Variants in SOX11 observed in about 807,000 individuals in gnomAD.
SOX11 encodes the protein transcription factor SOX-11.
Under a neutral mutation model 16.7 loss-of-function variants are expected in SOX11, and 5 were observed. The ratio of observed to expected loss-of-function variants is 0.30; its 90% CI spans 0.16 to 0.63. SOX11 has a LOEUF of 0.63. Ranked by LOEUF, SOX11 falls within the 20% of genes least tolerant of loss-of-function variation. SOX11 has a pLI of 0.82. For synonymous variants in SOX11, 363 were observed against 298.8 expected, an observed-to-expected ratio of 1.21 and a Z score of -2.22; for missense variants, 492 against 641.5, an observed-to-expected ratio of 0.77 and a Z score of 2.52.
At position 5,699,121 on chromosome 2, in the gene SOX11, C is replaced by A. The variant is rs1665792919; in HGVS notation, c.*5074C>A. ...TCTTGGACTCTCCCATTTATAGAAT[C>A]TTTATACTCTTTTACTGTGTGGTTC... On this transcript the variant is annotated 3_prime_UTR_variant, in exon 1 of 1. Coordinates refer to ENST00000322002, the MANE Select transcript of SOX11 (RefSeq NM_003108.4). The A allele has an allele frequency of 6.0e-6, 1 of 166,980 alleles. No individual in the cohort carries two copies. Among genetic ancestry groups the A allele is most frequent in the Non-Finnish European group, 1.5e-5 (1 of 68,090 alleles). 10.3% of individuals were successfully genotyped at this position (166,980 alleles called of 1,614,324 possible). A position where few individuals can be genotyped will look rare whatever the true frequency, so the allele number is the denominator to read the frequency against.
chr2:5,694,258 G>A lies in SOX11; in HGVS notation c.*211G>A, dbSNP rs916373197. The stretch of plus-strand genomic sequence containing the variant: ...ATTGGAAAACATGATGAAAATTTTG[G>A]TGGAGTTAAAGTGAAATGAGTAGTT... On this transcript the variant is annotated 3_prime_UTR_variant, in exon 1 of 1. Transcript: ENST00000322002. The A allele has an allele frequency of 1.8e-5, 12 of 657,338 alleles. No individual in the cohort carries two copies. Among genetic ancestry groups the A allele is most frequent in the Admixed American group, 3.6e-5 (1 of 27,866 alleles). The allele number at this position is 657,338 out of a possible 1,614,324, so 40.7% of individuals were successfully genotyped here.
Position 5,692,757 on chromosome 2 carries a change from C to A in SOX11, c.36C>A (p.Ser12Arg), listed in dbSNP as rs772578286. 2 of 1,606,408 alleles carry A rather than the reference C, an allele frequency of 1.2e-6. No homozygotes were observed. Among genetic ancestry groups the A allele is most frequent in the South Asian group, 2.2e-5 (2 of 89,918 alleles). Residue 12 changes from serine (S) to arginine (R), a missense_variant, in exon 1 of 1, where the codon AGC becomes AGA. Physicochemically the swap from Ser to Arg is moderately radical, Grantham distance 110. Coordinates refer to ENST00000322002, the MANE Select transcript of SOX11 (RefSeq NM_003108.4). ...AGGCGGAGAGCTTGGAAGCGGAGAGCAACCTGCCCCGGGAGGCGCTGGACA... is the reference window on the plus strand; with the variant it reads ...AGGCGGAGAGCTTGGAAGCGGAGAGAAACCTGCCCCGGGAGGCGCTGGACA... Reference protein sequence around the residue: ...VQQAESLEAESNLPREALDTE... With the variant: ...VQQAESLEAERNLPREALDTE...
chr2:5,692,425 G>C lies in SOX11; in HGVS notation c.-297G>C, dbSNP rs1011213682. Among the ~76,000 whole-genome samples, 14 of 152,064 alleles carry C rather than the reference G, an allele frequency of 9.2e-5. No individual in the cohort carries two copies. The highest frequency in any genetic ancestry group is 2.9e-4 in the African/African-American group (12 of 41,432). On this transcript the variant is annotated 5_prime_UTR_variant, in exon 1 of 1. Transcript: ENST00000322002. The stretch of plus-strand genomic sequence containing the variant: ...CGCCTGGGAGAGCTCGGGGTCCGGC[G>C]CTTGCGGTAGGAGCCACGAGCCGGA...
Position 5,694,263 on chromosome 2 carries a change from G to T in SOX11, c.*216G>T. ...AAAACATGATGAAAATTTTGGTGGA[G>T]TTAAAGTGAAATGAGTAGTTTTTAA... On this transcript the variant is annotated 3_prime_UTR_variant, in exon 1 of 1. Coordinates refer to ENST00000322002, the MANE Select transcript of SOX11 (RefSeq NM_003108.4). 1 of 613,124 alleles carries T rather than the reference G, an allele frequency of 1.6e-6. No individual in the cohort carries two copies. Among genetic ancestry groups the T allele is most frequent in the Non-Finnish European group, 2.7e-6 (1 of 372,012 alleles). The allele number at this position is 613,124 out of a possible 1,614,324, so 38.0% of individuals were successfully genotyped here.
rs1665725395 is a variant in SOX11, at chr2:5,696,238, G to T, written c.*2191G>T. The T allele has an allele frequency of 1.2e-5, 2 of 167,586 alleles. No individual in the cohort carries two copies. Among genetic ancestry groups the T allele is most frequent in the Middle Eastern group, 3.3e-3 (1 of 302 alleles). The allele number at this position is 167,586 out of a possible 1,614,324, so 10.4% of individuals were successfully genotyped here. ...GTGGTTGTTGGCGGAGAACGCCGCC[G>T]CAGTGTTTGACCTCTAGCGGTGAAG... On this transcript the variant is annotated 3_prime_UTR_variant, in exon 1 of 1. Coordinates refer to ENST00000322002, the MANE Select transcript of SOX11 (RefSeq NM_003108.4).
Position 5,693,792 on chromosome 2 carries a change from C to G in SOX11, c.1071C>G (p.Asp357Glu). The part of the protein sequence containing the change: ...SGSSSGSSGE[D>E]ADDLMFDLSL... ...GCAGCAGCGGCAGCAGCGGCGAGGA[C>G]GCCGACGACCTGATGTTCGACCTGA... Residue 357 changes from aspartate (D) to glutamate (E), a missense_variant, in exon 1 of 1, where the codon GAC (aspartate) becomes GAG (glutamate). Transcript: ENST00000322002. This position sits in a 1 kb window ranked among gnomAD's most constrained non-coding sequence, Gnocchi z 8.6. 3.8e-6 allele frequency: 6 copies of G among 1,558,706 alleles called. No individual in the cohort carries two copies. The highest frequency in any genetic ancestry group is 5.2e-6 in the Non-Finnish European group (6 of 1,152,224).
chr2:5,699,614 T>A lies in SOX11; in HGVS notation c.*5567T>A, dbSNP rs943506782. ...CAGGATTTTTTTGTTCAGTTTTGGT[T>A]TTTGCCCCTTCCTGTGGAGCCTACA... On this transcript the variant is annotated 3_prime_UTR_variant, in exon 1 of 1. Coordinates refer to ENST00000322002, the MANE Select transcript of SOX11 (RefSeq NM_003108.4). The A allele has an allele frequency of 6.0e-6, 1 of 166,800 alleles. No homozygotes were observed. Among genetic ancestry groups the A allele is most frequent in the African/African-American group, 2.4e-5 (1 of 41,444 alleles). The allele number at this position is 166,800 out of a possible 1,614,324, so 10.3% of individuals were successfully genotyped here. A position where few individuals can be genotyped will look rare whatever the true frequency, so the allele number is the denominator to read the frequency against.
At position 5,701,258 on chromosome 2, in the gene SOX11, C is replaced by G. The variant is rs1032594862; in HGVS notation, c.*7211C>G. ...ATCTAACCAGCTTCTTGACCCACCCCCCCTTGGTATGCAGTGTTAATGCTC... is the reference window on the plus strand; with the variant it reads ...ATCTAACCAGCTTCTTGACCCACCCGCCCTTGGTATGCAGTGTTAATGCTC... On this transcript the variant is annotated 3_prime_UTR_variant, in exon 1 of 1. Coordinates refer to ENST00000322002, the MANE Select transcript of SOX11 (RefSeq NM_003108.4). 1 of 166,966 alleles carries G rather than the reference C, an allele frequency of 6.0e-6. No homozygotes were observed. Among genetic ancestry groups the G allele is most frequent in the African/African-American group, 2.4e-5 (1 of 41,400 alleles). 10.3% of individuals were successfully genotyped at this position (166,966 alleles called of 1,614,324 possible). A position where few individuals can be genotyped will look rare whatever the true frequency, so the allele number is the denominator to read the frequency against.
chr2:5,693,617 C>A lies in SOX11; in HGVS notation c.896C>A (p.Ala299Asp). 1.3e-6 allele frequency: 2 copies of A among 1,569,114 alleles called. No homozygotes were observed. Among genetic ancestry groups the A allele is most frequent in the Admixed American group, 3.6e-5 (2 of 55,212 alleles). ...GCGAGCCTCTACGACGAGGTGCGGG[C>A]CGGCGCGACCTCGGGCGCCGGGGGC... is the stretch of plus-strand genomic sequence containing the variant. The part of the protein sequence containing the change: ...EGASLYDEVR[A>D]GATSGAGGGS... The change falls in exon 1 of 1, where the codon GCC (alanine) becomes GAC (aspartate). Residue 299 changes from alanine to aspartate, a missense_variant. Around this residue, in one of 4 missense-constraint regions of SOX11, gnomAD observed 389 missense variants for 389.0 expected, o/e 1.00. Transcript: ENST00000322002. This position sits in a 1 kb window ranked among gnomAD's most constrained non-coding sequence, Gnocchi z 8.6.
Position 5,697,746 on chromosome 2 carries a change from G to A in SOX11, c.*3699G>A, listed in dbSNP as rs148042976. ...CATGTAGACTAATGCAGCCATTGGT[G>A]GTACATTTATTTTAGCCACGGATAA... On this transcript the variant is annotated 3_prime_UTR_variant, in exon 1 of 1. Coordinates refer to ENST00000322002, the MANE Select transcript of SOX11 (RefSeq NM_003108.4). The A allele has an allele frequency of 3.5e-3, 583 of 167,194 alleles. 7 individuals carry two copies. Among genetic ancestry groups the A allele is most frequent in the East Asian group, 6.8e-3 (35 of 5,182 alleles). 10.4% of individuals were successfully genotyped at this position (167,194 alleles called of 1,614,324 possible).
In SOX11 at chr2:5,694,246, A is replaced by G. The variant is rs1456473838; in HGVS notation, c.*199A>G. 8.4e-6 allele frequency: 6 copies of G among 715,698 alleles called. No homozygotes were observed. Among genetic ancestry groups the G allele is most frequent in the Non-Finnish European group, 1.3e-5 (6 of 466,622 alleles). The allele number at this position is 715,698 out of a possible 1,614,324, so 44.3% of individuals were successfully genotyped here. A position where few individuals can be genotyped will look rare whatever the true frequency, so the allele number is the denominator to read the frequency against. On this transcript the variant is annotated 3_prime_UTR_variant, in exon 1 of 1. Coordinates refer to ENST00000322002, the MANE Select transcript of SOX11 (RefSeq NM_003108.4). Reference sequence around the variant, plus strand: ...TGACGCAAAGAAATTGGAAAACATGATGAAAATTTTGGTGGAGTTAAAGTG... The same window carrying G: ...TGACGCAAAGAAATTGGAAAACATGGTGAAAATTTTGGTGGAGTTAAAGTG...
In SOX11 at chr2:5,695,211, A is replaced by C. The variant is rs2103278195; in HGVS notation, c.*1164A>C. 1 of 162,136 alleles carries C rather than the reference A, an allele frequency of 6.2e-6. No individual in the cohort carries two copies. Among genetic ancestry groups the C allele is most frequent in the East Asian group, 1.9e-4 (1 of 5,184 alleles). The allele number at this position is 162,136 out of a possible 1,614,324, so 10.0% of individuals were successfully genotyped here. The stretch of plus-strand genomic sequence containing the variant: ...CTAAAGGCCTTGTGGTTTAAAAAAA[A>C]AAAGCAAACTTTTTTTTGTACAGCT... On this transcript the variant is annotated 3_prime_UTR_variant, in exon 1 of 1. Transcript: ENST00000322002.
In SOX11 at chr2:5,693,846, C is replaced by A; in HGVS notation, c.1125C>A (p.Ser375Arg). ...TGAATTTCTCTCAAAGCGCGCACAG[C>A]GCCAGCGAGCAGCAGCTGGGGGGCG... ...LSLNFSQSAH[S>R]ASEQQLGGGA... The change falls in exon 1 of 1, where the codon AGC becomes AGA. Residue 375 changes from serine (S) to arginine (R), a missense_variant. Transcript: ENST00000322002. This position sits in a 1 kb window ranked among gnomAD's most constrained non-coding sequence, Gnocchi z 8.6. 1 of 1,551,158 alleles carries A rather than the reference C, an allele frequency of 6.4e-7. No homozygotes were observed. Among genetic ancestry groups the A allele is most frequent in the Non-Finnish European group, 8.7e-7 (1 of 1,146,930 alleles).
In SOX11 at chr2:5,692,651, TGGGAGG is replaced by T; in HGVS notation, c.-60_-55del. ...CAACTTGCCCAGGAAGGTGGAGGGG[TGGGAGG>T]GGGAGGGGGACCTCCGCACGAGACC... On this transcript the variant is annotated 5_prime_UTR_variant, in exon 1 of 1. Coordinates refer to ENST00000322002, the MANE Select transcript of SOX11 (RefSeq NM_003108.4). 1 of 972,726 alleles carries T rather than the reference TGGGAGG, an allele frequency of 1.0e-6. No homozygotes were observed. The highest frequency in any genetic ancestry group is 1.3e-6 in the Non-Finnish European group (1 of 778,162). 60.3% of individuals were successfully genotyped at this position (972,726 alleles called of 1,614,324 possible). A position where few individuals can be genotyped will look rare whatever the true frequency, so the allele number is the denominator to read the frequency against.
chr2:5,693,257 A>T lies in SOX11; in HGVS notation c.536A>T (p.Lys179Met). ...AAGGCCCCCGCGGCCGCGGGCGCCA[A>T]GGCGGGCGCGGGCAAGGCGGCCCAG... is the stretch of plus-strand genomic sequence containing the variant. The part of the protein sequence containing the change: ...KLKAPAAAGA[K>M]AGAGKAAQSG... Residue 179 changes from lysine (K) to methionine (M), a missense_variant, in exon 1 of 1, where the codon AAG becomes ATG. By Grantham distance (95) the Lys-to-Met change is moderately conservative. Around this residue, in one of 4 missense-constraint regions of SOX11, gnomAD observed 389 missense variants for 389.0 expected, o/e 1.00. Transcript: ENST00000322002. The surrounding 1 kb of genome is among the most constrained non-coding windows in gnomAD (Gnocchi z 8.6). 2 of 1,377,448 alleles carry T rather than the reference A, an allele frequency of 1.5e-6. No homozygotes were observed. The highest frequency in any genetic ancestry group is 5.9e-5 in the East Asian group (2 of 34,000). The allele number at this position is 1,377,448 out of a possible 1,614,324, so 85.3% of individuals were successfully genotyped here. A position where few individuals can be genotyped will look rare whatever the true frequency, so the allele number is the denominator to read the frequency against.
At position 5,698,399 on chromosome 2, in the gene SOX11, A is replaced by T. The variant is rs1423434337; in HGVS notation, c.*4352A>T. On this transcript the variant is annotated 3_prime_UTR_variant, in exon 1 of 1. Transcript: ENST00000322002. ...GTGCACGGCAGCCTAGCCAGTGGGGATCCTGCTGTTTATTATAAGTAGTTC... is the reference window on the plus strand; with the variant it reads ...GTGCACGGCAGCCTAGCCAGTGGGGTTCCTGCTGTTTATTATAAGTAGTTC... 6.0e-6 allele frequency: 1 copy of T among 166,998 alleles called. No homozygotes were observed. Among genetic ancestry groups the T allele is most frequent in the Admixed American group, 6.6e-5 (1 of 15,260 alleles). The allele number at this position is 166,998 out of a possible 1,614,324, so 10.3% of individuals were successfully genotyped here. A position where few individuals can be genotyped will look rare whatever the true frequency, so the allele number is the denominator to read the frequency against.
rs1665834136 is a variant in SOX11 at position 5,701,127 on chromosome 2, T to C, written c.*7080T>C. ...AGTGTGTTGAAACGGTGTATGACATTGCTGTATCAAAGTTGTAAAATTAAG... is the reference window on the plus strand; with the variant it reads ...AGTGTGTTGAAACGGTGTATGACATCGCTGTATCAAAGTTGTAAAATTAAG... On this transcript the variant is annotated 3_prime_UTR_variant, in exon 1 of 1. Coordinates refer to ENST00000322002, the MANE Select transcript of SOX11 (RefSeq NM_003108.4). 1 of 167,024 alleles carries C rather than the reference T, an allele frequency of 6.0e-6. No individual in the cohort carries two copies. The highest frequency in any genetic ancestry group is 2.1e-4 in the South Asian group (1 of 4,830). 10.3% of individuals were successfully genotyped at this position (167,024 alleles called of 1,614,324 possible).
rs1199263236 is a variant in SOX11 at position 5,697,139 on chromosome 2, T to TGGGAGGA, written c.*3099_*3105dup. ...TCCGCCGCCTCTTTTCTGCTGGGTC[T>TGGGAGGA]GGGAGGAGGGAGGCTGGGAGGCCGC... On this transcript the variant is annotated 3_prime_UTR_variant, in exon 1 of 1. Transcript: ENST00000322002. 1 of 163,882 alleles carries TGGGAGGA rather than the reference T, an allele frequency of 6.1e-6. No homozygotes were observed. The highest frequency in any genetic ancestry group is 1.5e-5 in the Non-Finnish European group (1 of 67,968). 10.2% of individuals were successfully genotyped at this position (163,882 alleles called of 1,614,324 possible). A position where few individuals can be genotyped will look rare whatever the true frequency, so the allele number is the denominator to read the frequency against.
Position 5,694,117 on chromosome 2 carries a change from GTGATGATGATGATGA to G in SOX11, c.*72_*86del. ...GGTTCCTTGGGAGGAAGTTGTAGTG[GTGATGATGATGATGA>G]TAATGATGATGATGATGGTGGTGTT... is the stretch of plus-strand genomic sequence containing the variant. On this transcript the variant is annotated 3_prime_UTR_variant, in exon 1 of 1. Transcript: ENST00000322002. The G allele has an allele frequency of 2.1e-6, 3 of 1,445,472 alleles. No individual in the cohort carries two copies. The highest frequency in any genetic ancestry group is 1.5e-5 in the African/African-American group (1 of 66,942). 89.5% of individuals were successfully genotyped at this position (1,445,472 alleles called of 1,614,324 possible).
Sources: gnomAD v4.1 joint callset for allele counts (sites outside exome capture counted in the v4.1 genomes callset) on GRCh38, gnomAD v4.1.1 for gene constraint, gnomAD v4.1.1 regional missense constraint, Gnocchi (gnomAD v3.1) non-coding constraint, MANE v1.5 for transcripts, NCBI Gene and HGNC (gene_info 2026-07-23, HGNC 2026-07-21) for gene names.